The following TOR3A variants were observed in gnomAD, a reference collection of about 807,000 sequenced individuals.
The protein encoded by TOR3A is torsin-3A.
A neutral mutation model predicts 42.1 loss-of-function variants in TOR3A; 44 were observed. The observed-to-expected ratio is 1.04, with a 90% CI of 0.82 to 1.34. The LOEUF is 1.34. Ranked by LOEUF, TOR3A falls within the 40% of genes most tolerant of loss-of-function variation. The pLI, the probability that TOR3A is intolerant of heterozygous loss-of-function variation, is 0.00. For synonymous variants in TOR3A, 227 were observed against 213.2 expected (o/e 1.06, Z -0.57); for missense variants, 521 against 507.6 (o/e 1.03, Z -0.25).
intron 3 of TOR3A, 80 bp from the exon 4 acceptor site, chr1:179,087,831 T>A: frequency 7.2e-7 from 1 of 1,394,714 alleles, no homozygotes; most frequent in Non-Finnish European, 9.6e-7. Flanking sequence ...CCATTGCACA[T>A]GCCCAGGGGA....
At chr1:179,082,618 C>A in intron 1 of TOR3A, 1 of 709,044 alleles carries the variant, frequency 1.4e-6, no homozygotes. Flanking sequence ...GGCTTCCCGT[C>A]CCCCGCCTCC....
rs372362065 is a variant in TOR3A at position 179,087,784 on chromosome 1, C to T, written c.640-127C>T. 22 of 804,756 alleles carry T rather than the reference C, an allele frequency of 2.7e-5. No homozygotes were observed. The South Asian group carries it at 2.9e-4, about 11-fold the overall frequency. The allele number at this position is 804,756 out of a possible 1,614,324, so 49.9% of individuals were successfully genotyped here. ...AGAGCTTGGATTTGATAGGTTCTGG[C>T]GGGGGGCGGGGGGTGGGGAACCCAG... On this transcript the variant is annotated intron_variant, in intron 3 of 5. Transcript: ENST00000367627.
intron 1 of TOR3A, 35 bp downstream of exon 1, chr1:179,082,422 C>A (rs1275186549): frequency 3.8e-5 from 60 of 1,572,770 alleles, no homozygotes; most frequent in Non-Finnish European, 5.1e-5. Flanking sequence ...CCGTTCGCTG[C>A]GGAGCAGAGT....
At chr1:179,087,318 TC>T (rs796457943) in intron 3 of TOR3A, among the ~76,000 whole-genome samples, 12 of 152,244 alleles carry the variant, frequency 7.9e-5, no homozygotes, top group African/African-American at 2.6e-4. Flanking sequence ...GCAGGCTTGC[TC>T]CCCTGAGATC....
intron 4 of TOR3A, among the ~76,000 whole-genome samples, chr1:179,089,392 C>T (rs1652520355): frequency 6.6e-6 from 1 of 150,928 alleles, no homozygotes; most frequent in Non-Finnish European, 1.5e-5. Flanking sequence ...TGGCGGGAAG[C>T]CCTTCCTGGT....
At chr1:179,089,778 G>GC (rs990059059) in intron 4 of TOR3A, among the ~76,000 whole-genome samples, 6 of 152,154 alleles carry the variant, frequency 3.9e-5, no homozygotes, top group African/African-American at 1.4e-4. Flanking sequence ...ACGGAGCAAA[G>GC]CATGGTGACC....
chr1:179,090,256 C>T (rs1235797511), intron 4 of TOR3A, among the ~76,000 whole-genome samples: 1 of 152,242 alleles, frequency 6.6e-6, no homozygotes, highest in Non-Finnish European at 1.5e-5. Context: ...TGGTGTGGGC[C>T]TGTGCCCAGC....
At chr1:179,083,445 T>C (rs1388488892) in intron 2 of TOR3A, among the ~76,000 whole-genome samples, 14 of 151,250 alleles carry the variant, frequency 9.3e-5, no homozygotes, top group Non-Finnish European at 1.6e-4. Flanking sequence ...CACACTGGAG[T>C]GCAGTGGTGC....
Position 179,095,103 on chromosome 1 carries a change from A to C in TOR3A, c.1079A>C (p.Glu360Ala). 6.2e-7 allele frequency: 1 copy of C among 1,614,182 alleles called. No individual in the cohort carries two copies. Among genetic ancestry groups the C allele is most frequent in the Non-Finnish European group, 8.5e-7 (1 of 1,180,034 alleles). The change falls in exon 6 of 6, where the codon GAA becomes GCA. Residue 360 changes from glutamate (E) to alanine (A), a missense_variant. Glu to Ala is a moderately radical substitution (Grantham distance 107). Coordinates refer to ENST00000367627, the MANE Select transcript of TOR3A (RefSeq NM_022371.4). Reference protein sequence around the residue: ...AFLSQELLYKEETLDEIAQMM... With the variant: ...AFLSQELLYKAETLDEIAQMM... The stretch of plus-strand genomic sequence containing the variant: ...CTGAGCCAGGAGCTCCTGTATAAAG[A>C]AGAGACACTGGATGAAATAGCCCAG...
chr1:179,095,730 C>G lies in TOR3A; in HGVS notation c.*512C>G, dbSNP rs1234384606. 28 of 988,222 alleles carry G rather than the reference C, an allele frequency of 2.8e-5. No homozygotes were observed. The highest frequency in any genetic ancestry group is 3.1e-5 in the Non-Finnish European group (26 of 833,700). 61.2% of individuals were successfully genotyped at this position (988,222 alleles called of 1,614,324 possible). A position where few individuals can be genotyped will look rare whatever the true frequency, so the allele number is the denominator to read the frequency against. On this transcript the variant is annotated 3_prime_UTR_variant, in exon 6 of 6. Transcript: ENST00000367627. The stretch of plus-strand genomic sequence containing the variant: ...GTGACCCAGGGGTGGAGAATACACT[C>G]TAGGTTTGCAGGCTGGTGGGCTTTC...
At chr1:179,086,941 C>T (rs1279837507) in intron 3 of TOR3A, among the ~76,000 whole-genome samples, 1 of 152,210 alleles carries the variant, frequency 6.6e-6, no homozygotes, top group East Asian at 1.9e-4. Context: ...CAGAGGCTGC[C>T]CGCGTCTCCT....
intron 4 of TOR3A, among the ~76,000 whole-genome samples, chr1:179,088,648 G>C (rs1365521970): frequency 1.3e-5 from 2 of 152,206 alleles, no homozygotes; most frequent in African/African-American, 4.8e-5. Context: ...TATACGGGTT[G>C]AGAAACCCAT....
chr1:179,090,136 C>T (rs1031319384), intron 4 of TOR3A, among the ~76,000 whole-genome samples: 14 of 152,186 alleles, frequency 9.2e-5, no homozygotes, highest in African/African-American at 2.6e-4. Flanking sequence ...GCGGGAAAGC[C>T]GCCTGCCAGA....
chr1:179,085,875 A>G lies in TOR3A; in HGVS notation c.621A>G (p.Lys207=), dbSNP rs1652422002. The G allele has an allele frequency of 6.2e-7, 1 of 1,613,954 alleles. No individual in the cohort carries two copies. The highest frequency in any genetic ancestry group is 8.5e-7 in the Non-Finnish European group (1 of 1,179,994). The change falls in exon 3 of 6, where the codon AAA becomes AAG. Residue 207 remains lysine, a synonymous_variant. Transcript: ENST00000367627. ...FIATFHFPHP[K]YVDLYKEQLM... ...CCACGTTCCACTTTCCTCACCCCAAATATGTGGACCTGTACAAGGTGAGGC... is the reference window on the plus strand; with the variant it reads ...CCACGTTCCACTTTCCTCACCCCAAGTATGTGGACCTGTACAAGGTGAGGC...
chr1:179,089,847 C>G (rs1194423324), intron 4 of TOR3A, among the ~76,000 whole-genome samples: 4 of 152,152 alleles, frequency 2.6e-5, no homozygotes, highest in Non-Finnish European at 5.9e-5. Flanking sequence ...GTGTCTTCCT[C>G]CTCCCTCTCC....
Position 179,094,954 on chromosome 1 carries a change from G to A in TOR3A, c.944-14G>A, listed in dbSNP as rs1315293110. 6 of 1,613,720 alleles carry A rather than the reference G, an allele frequency of 3.7e-6. No homozygotes were observed. The highest frequency in any genetic ancestry group is 5.1e-6 in the Non-Finnish European group (6 of 1,179,724). On this transcript the variant is annotated splice_polypyrimidine_tract_variant and intron_variant, in intron 5 of 5. Coordinates refer to ENST00000367627, the MANE Select transcript of TOR3A (RefSeq NM_022371.4). ...CCTAGGTCAGACTCCATGTAACTTT[G>A]GTCTTGCTTTCAGACAATGGCTTTG...
chr1:179,086,665 C>CAAAA, intron 3 of TOR3A, among the ~76,000 whole-genome samples: 2 of 123,768 alleles, frequency 1.6e-5, no homozygotes, highest in African/African-American at 5.9e-5. Flanking sequence ...GACTCCATCT[C>CAAAA]AAAAAAAAAA....
At chr1:179,091,966 C>G (rs1004430083) in intron 4 of TOR3A, among the ~76,000 whole-genome samples, 1 of 152,344 alleles carries the variant, frequency 6.6e-6, no homozygotes, top group East Asian at 1.9e-4. Context: ...CCGGGGAAAG[C>G]CTGGCTGAGC....
rs1212478747 is a variant in TOR3A, at chr1:179,087,969, T to C, written c.698T>C (p.Ile233Thr). The stretch of plus-strand genomic sequence containing the variant: ...CAGCTCTGCCACCAGACCCTGTTCA[T>C]CTTCGATGAAGCGGAGAAGCTGCAC... Reference protein sequence around the residue: ...TQQLCHQTLFIFDEAEKLHPG... With the variant: ...TQQLCHQTLFTFDEAEKLHPG... The change falls in exon 4 of 6, where the codon ATC (isoleucine) becomes ACC (threonine). Residue 233 changes from isoleucine (I) to threonine (T), a missense_variant. Coordinates refer to ENST00000367627, the MANE Select transcript of TOR3A (RefSeq NM_022371.4). The C allele has an allele frequency of 6.2e-7, 1 of 1,612,850 alleles. No individual in the cohort carries two copies. Among genetic ancestry groups the C allele is most frequent in the East Asian group, 2.2e-5 (1 of 44,824 alleles).
Sources: gnomAD v4.1 joint callset for allele counts (sites outside exome capture counted in the v4.1 genomes callset) on GRCh38, gnomAD v4.1.1 for gene constraint, MANE v1.5 for transcripts, NCBI Gene and HGNC (gene_info 2026-07-23, HGNC 2026-07-21) for gene names.